SKI: variants seen among roughly 807,000 people sequenced by gnomAD.
SKI encodes SKI proto-oncogene.
SKI carries 23 observed loss-of-function variants against 59.3 expected under a neutral mutation model. That is an observed-to-expected ratio of 0.39 (90% confidence interval 0.28 to 0.55). SKI has a LOEUF of 0.55. Ranked by LOEUF, SKI falls within the 20% of genes least tolerant of loss-of-function variation. SKI has a pLI of 0.67. For synonymous variants in SKI, 673 were observed against 488.6 expected (o/e 1.38, Z -4.98); for missense variants, 1,017 against 1,038.9 (o/e 0.98, Z 0.29).
chr1:2,247,831 G>A (rs1249828341), intron 1 of SKI, among the ~76,000 whole-genome samples: 1 of 152,264 alleles, frequency 6.6e-6, no homozygotes, highest in Non-Finnish European at 1.5e-5. Context: ...TCGGGAAGGG[G>A]CCTTACTGCT....
chr1:2,293,173 G>A (rs1032978561), intron 1 of SKI, among the ~76,000 whole-genome samples: 1 of 152,206 alleles, frequency 6.6e-6, no homozygotes, highest in Non-Finnish European at 1.5e-5. Context: ...CTGGGGGTTG[G>A]GGCAGGCCAC....
chr1:2,283,998 TAGC>T (rs1639975757), intron 1 of SKI, among the ~76,000 whole-genome samples: 1 of 152,152 alleles, frequency 6.6e-6, no homozygotes, highest in Admixed American at 6.5e-5. Flanking sequence ...AGTGCCCTGT[TAGC>T]AGGTGCAGTG....
intron 5 of SKI, among the ~76,000 whole-genome samples, chr1:2,305,335 A>G (rs972103175): frequency 1.3e-5 from 2 of 152,160 alleles, no homozygotes; most frequent in African/African-American, 4.8e-5. Context: ...CGGCCTCGCT[A>G]AATTCACACC....
chr1:2,285,097 AG>A (rs575765820), intron 1 of SKI, among the ~76,000 whole-genome samples: 18 of 152,260 alleles, frequency 1.2e-4, no homozygotes, highest in African/African-American at 4.3e-4. Flanking sequence ...GGTTGGAGAT[AG>A]GTGTCATGCG....
rs1640477390 is a variant in SKI at position 2,303,397 on chromosome 1, A to G, written c.1208A>G (p.Asp403Gly). 6.2e-7 allele frequency: 1 copy of G among 1,611,456 alleles called. No individual in the cohort carries two copies. The highest frequency in any genetic ancestry group is 2.2e-5 in the East Asian group (1 of 44,852). ...LSPHLPALIR[D>G]SFYSYKSFET... is the part of the protein sequence containing the mutation. ...CCACACCTCCCGGCCCTCATCCGAG[A>G]CAGGTGAGTGGGCGCCATTCACAGG... The change falls in exon 3 of 7, where the codon GAC (aspartate) becomes GGC (glycine). Residue 403 changes from aspartate (D) to glycine (G), a missense_variant. Physicochemically the swap from Asp to Gly is moderately conservative, Grantham distance 94. Coordinates refer to ENST00000378536, the MANE Select transcript of SKI (RefSeq NM_003036.4). This position sits in a 1 kb window ranked among gnomAD's most constrained non-coding sequence, Gnocchi z 5.6.
At chr1:2,291,608 C>G (rs538999053) in intron 1 of SKI, among the ~76,000 whole-genome samples, 3 of 114,528 alleles carry the variant, frequency 2.6e-5, no homozygotes, top group South Asian at 5.9e-4. Context: ...GGCCCTCCCC[C>G]ACCCCCTCAG....
chr1:2,295,119 C>T (rs940490753), intron 1 of SKI, among the ~76,000 whole-genome samples: 12 of 152,220 alleles, frequency 7.9e-5, no homozygotes, highest in East Asian at 3.8e-4. Flanking sequence ...GGCAGGTGAG[C>T]GCTGCCTGAC....
chr1:2,228,369 G>T lies in SKI; in HGVS notation c.-398G>T, dbSNP rs1434362986. Among the ~76,000 whole-genome samples the T allele has an allele frequency of 1.4e-5, 2 of 142,448 alleles. No individual in the cohort carries two copies. The highest frequency in any genetic ancestry group is 3.1e-5 in the Non-Finnish European group (2 of 64,416). 93.5% of individuals were successfully genotyped at this position (142,448 alleles called of 152,430 possible). On this transcript the variant is annotated 5_prime_UTR_variant, in exon 1 of 7. Transcript: ENST00000378536. ...GCCGCCGCGGCGATTCGCGCCTCGC[G>T]GCGCCGGCACCTGCCCGCGCGCCCC...
chr1:2,305,487 G>C (rs1486865929), intron 5 of SKI, among the ~76,000 whole-genome samples: 2 of 152,192 alleles, frequency 1.3e-5, no homozygotes, highest in African/African-American at 4.8e-5. Context: ...TGTTGTCCTT[G>C]ATTCTGGTTG....
At position 2,304,119 on chromosome 1, in the gene SKI, T is replaced by C. The variant is rs768776330; in HGVS notation, c.1474+17T>C. 1 of 1,611,526 alleles carries C rather than the reference T, an allele frequency of 6.2e-7. No individual in the cohort carries two copies. Among genetic ancestry groups the C allele is most frequent in the Non-Finnish European group, 8.5e-7 (1 of 1,179,360 alleles). On this transcript the variant is annotated intron_variant, in intron 4 of 6. Coordinates refer to ENST00000378536, the MANE Select transcript of SKI (RefSeq NM_003036.4). ...GGGAGGAATGTACGTGTGAGTCGCT[T>C]TCTGTGCCTCCTCCCTGTGGGCTGT...
rs199666240 is a variant in SKI, at chr1:2,306,175, G to A, written c.1923G>A (p.Leu641=). Residue 641 remains leucine, a synonymous_variant, in exon 6 of 7, where the codon CTG becomes CTA. Coordinates refer to ENST00000378536, the MANE Select transcript of SKI (RefSeq NM_003036.4). ...NESRLRLKRE[L]EQARQARVCD... is the part of the protein sequence containing the mutation. ...CACGGCTGCGCCTGAAGCGGGAGCT[G>A]GAGCAGGCGCGGCAGGCCCGGGTGT... is the stretch of plus-strand genomic sequence containing the variant. 8.1e-5 allele frequency: 129 copies of A among 1,591,330 alleles called. No individual in the cohort carries two copies. In the East Asian group the frequency reaches 2.5e-3, roughly 31 times the overall value.
chr1:2,229,330 G>T lies in SKI; in HGVS notation c.564G>T (p.Ala188=). ...TKTDAERLCN[A]LLYGGAYPPP... The stretch of plus-strand genomic sequence containing the variant: ...CGGACGCCGAGCGCCTGTGCAACGC[G>T]CTGCTCTACGGCGGCGCCTACCCGC... The change falls in exon 1 of 7, where the codon GCG becomes GCT. Residue 188 remains alanine (A), a synonymous_variant. Coordinates refer to ENST00000378536, the MANE Select transcript of SKI (RefSeq NM_003036.4). This position sits in a 1 kb window ranked among gnomAD's most constrained non-coding sequence, Gnocchi z 6.3. 1.9e-6 allele frequency: 3 copies of T among 1,596,608 alleles called. No homozygotes were observed. The highest frequency in any genetic ancestry group is 2.6e-6 in the Non-Finnish European group (3 of 1,172,312).
At chr1:2,298,563 C>CTTGTATCATT (rs1032375620) in intron 1 of SKI, among the ~76,000 whole-genome samples, 1 of 152,204 alleles carries the variant, frequency 6.6e-6, no homozygotes, top group Non-Finnish European at 1.5e-5. Flanking sequence ...CTGTTTCCCC[C>CTTGTATCATT]TTGTATCCTT....
chr1:2,273,043 G>T (rs1639660052), intron 1 of SKI, among the ~76,000 whole-genome samples: 1 of 152,250 alleles, frequency 6.6e-6, no homozygotes, highest in Non-Finnish European at 1.5e-5. Context: ...GAGACATTTG[G>T]TGCCACCTGC....
intron 1 of SKI, among the ~76,000 whole-genome samples, chr1:2,232,942 G>T (rs903744655): frequency 5.9e-5 from 9 of 152,124 alleles, no homozygotes; most frequent in Non-Finnish European, 1.0e-4. Flanking sequence ...TCTTCTTTCC[G>T]GTCGGCTCGC....
chr1:2,252,486 T>C (rs933221678), intron 1 of SKI, among the ~76,000 whole-genome samples: 1 of 152,190 alleles, frequency 6.6e-6, no homozygotes, highest in Non-Finnish European at 1.5e-5. Flanking sequence ...TGTTTTGGCC[T>C]GTGGAAGGCT....
chr1:2,250,231 C>G (rs560560011), intron 1 of SKI, among the ~76,000 whole-genome samples: 1 of 152,326 alleles, frequency 6.6e-6, no homozygotes, highest in African/African-American at 2.4e-5. Context: ...AAGGAAACCA[C>G]TCAGTGTCTT....
At position 2,265,458 on chromosome 1, in the gene SKI, CTATAT is replaced by C. The variant is rs1414780085; in HGVS notation, c.969+35729_969+35733del. ...TCATCTCTAGAAGTTTGATTTGGGA[CTATAT>C]TATATCTTTCGTGTCTTTATTTTAC... On this transcript the variant is annotated intron_variant, in intron 1 of 6. Transcript: ENST00000378536. Among the ~76,000 whole-genome samples the C allele has an allele frequency of 3.9e-5, 6 of 152,268 alleles. 1 individual carries two copies. The South Asian group carries it at 1.0e-3, about 26-fold the overall frequency.
chr1:2,292,645 G>A (rs1055398133), intron 1 of SKI, among the ~76,000 whole-genome samples: 40 of 152,302 alleles, frequency 2.6e-4, no homozygotes, highest in African/African-American at 9.1e-4. Context: ...TTTCAGATGC[G>A]GTGCCCACCT....
Sources: gnomAD v4.1 joint callset for allele counts (sites outside exome capture counted in the v4.1 genomes callset) on GRCh38, gnomAD v4.1.1 for gene constraint, Gnocchi (gnomAD v3.1) non-coding constraint, MANE v1.5 for transcripts, NCBI Gene and HGNC (gene_info 2026-07-23, HGNC 2026-07-21) for gene names.